CSMD1: variants seen among roughly 807,000 people sequenced by gnomAD.
CSMD1 encodes CUB and sushi domain-containing protein 1.
A neutral mutation model predicts 417.5 loss-of-function variants in CSMD1; 213 were observed. That is an observed-to-expected ratio of 0.51 (90% CI 0.46 to 0.57). The LOEUF (loss-of-function observed/expected upper bound fraction) is 0.57. Ranked by LOEUF, CSMD1 falls within the 20% of genes least tolerant of loss-of-function variation. CSMD1 has a pLI of 0.00. For missense variants in CSMD1, 6,923 were observed against 4,529.7 expected (o/e 1.53, Z -15.17); for synonymous variants, 2,862 against 1,736.8 (o/e 1.65, Z -16.11).
chr8:3,770,293 C>T (rs146594658), intron 5 of CSMD1, among the ~76,000 whole-genome samples: 2,091 of 152,048 alleles, frequency 0.014, 40 homozygotes, highest in African/African-American at 0.048. Flanking sequence ...TTTGGGAGGC[C>T]GAGGGCGGGG....
At chr8:4,430,637 A>G (rs1250382183) in intron 2 of CSMD1, among the ~76,000 whole-genome samples, 2 of 151,966 alleles carry the variant, frequency 1.3e-5, no homozygotes. Context: ...TCTTTTTTTT[A>G]ATCAATGCAC....
intron 2 of CSMD1, among the ~76,000 whole-genome samples, chr8:4,444,864 T>G (rs2129736931): frequency 6.6e-6 from 1 of 152,336 alleles, no homozygotes; most frequent in Non-Finnish European, 1.5e-5. Flanking sequence ...GGACTCCTGC[T>G]GCAGCCAAGG....
intron 2 of CSMD1, among the ~76,000 whole-genome samples, chr8:4,463,267 C>T (rs777817995): frequency 1.3e-5 from 2 of 151,904 alleles, no homozygotes; most frequent in Non-Finnish European, 2.9e-5. Context: ...AAATAGGTAC[C>T]ATCAAAAAGA....
intron 7 of CSMD1, among the ~76,000 whole-genome samples, chr8:3,682,030 A>G (rs1220650734): frequency 6.6e-6 from 1 of 152,194 alleles, no homozygotes; most frequent in Non-Finnish European, 1.5e-5. Context: ...CACCTTATAC[A>G]AAAATTAATT....
chr8:2,981,414 A>C (rs547228013), intron 54 of CSMD1, among the ~76,000 whole-genome samples: 1 of 151,332 alleles, frequency 6.6e-6, no homozygotes, highest in East Asian at 1.9e-4. Context: ...TGTCAGGCCC[A>C]CCTGCAGCGA....
intron 49 of CSMD1, among the ~76,000 whole-genome samples, chr8:3,069,242 T>C (rs1005841889): frequency 7.9e-5 from 12 of 152,084 alleles, no homozygotes; most frequent in Middle Eastern, 3.4e-3. Flanking sequence ...GAGACCAGCC[T>C]GGCCAACATG....
chr8:3,261,567 C>G (rs1482340068), intron 26 of CSMD1, among the ~76,000 whole-genome samples: 1 of 152,104 alleles, frequency 6.6e-6, no homozygotes, highest in Non-Finnish European at 1.5e-5. Flanking sequence ...CACAGCTGTA[C>G]TCATAGGAGT....
chr8:3,063,862 G>C (rs1812750843), intron 49 of CSMD1, among the ~76,000 whole-genome samples: 2 of 152,134 alleles, frequency 1.3e-5, no homozygotes, highest in South Asian at 4.1e-4. Context: ...CAGAGTTTCA[G>C]TTTTGCAAGT....
rs184543383 is a variant in CSMD1, at chr8:3,438,862, T to C, written c.1562-29257A>G. 4.5e-3 allele frequency among the ~76,000 whole-genome samples: 687 copies of C among 151,966 alleles called. 1 individual carries two copies. Among genetic ancestry groups the C allele is most frequent in the Non-Finnish European group, 7.0e-3 (479 of 67,974 alleles). On this transcript the variant is annotated intron_variant, in intron 12 of 69. Transcript: ENST00000635120. Reference sequence around the variant, plus strand: ...CAGGTGTGGTGGCTTGCACCTGTAATCCCAGCACTTTGGGAGGCCAAGGCA... The same window carrying C: ...CAGGTGTGGTGGCTTGCACCTGTAACCCCAGCACTTTGGGAGGCCAAGGCA...
chr8:3,384,654 AAATT>A (rs1410006794), intron 18 of CSMD1, among the ~76,000 whole-genome samples: 2 of 137,868 alleles, frequency 1.5e-5, no homozygotes, highest in South Asian at 2.1e-4. Context: ...ATATACATAT[AAATT>A]AATATAGATG....
Position 4,260,974 on chromosome 8 carries a change from C to A in CSMD1, c.415+158979G>T, listed in dbSNP as rs116617398. Among the ~76,000 whole-genome samples the A allele has an allele frequency of 5.6e-3, 852 of 152,182 alleles. 6 individuals carry two copies. The highest frequency in any genetic ancestry group is 0.02 in the African/African-American group (814 of 41,504). ...TCTACCTTTACTCTCATTGACTTGC[C>A]TCTTTTGTAAACAACGTATCATTCA... On this transcript the variant is annotated intron_variant, in intron 3 of 69. Transcript: ENST00000635120.
intron 1 of CSMD1, among the ~76,000 whole-genome samples, chr8:4,672,485 T>C (rs2617018): frequency 1.3e-5 from 2 of 151,908 alleles, no homozygotes; most frequent in Admixed American, 1.3e-4. Context: ...ATTCCTTTTA[T>C]ATTACTGATG....
In CSMD1 at chr8:4,737,968, C is replaced by G. The variant is rs539228494; in HGVS notation, c.86-100410G>C. ...GAAATGTTAATTTTCAGGTAACAGCCTGCCATTGAAGCAAAGTAATGATAG... is the reference window on the plus strand; with the variant it reads ...GAAATGTTAATTTTCAGGTAACAGCGTGCCATTGAAGCAAAGTAATGATAG... On this transcript the variant is annotated intron_variant, in intron 1 of 69. Transcript: ENST00000635120. Among the ~76,000 whole-genome samples the G allele has an allele frequency of 9.8e-5, 15 of 152,288 alleles. No homozygotes were observed. In the East Asian group the frequency reaches 2.7e-3, roughly 27 times the overall value.
At chr8:3,695,329 A>C (rs1800491011) in intron 7 of CSMD1, among the ~76,000 whole-genome samples, 1 of 151,976 alleles carries the variant, frequency 6.6e-6, no homozygotes, top group Admixed American at 6.5e-5. Context: ...AAAAACACTT[A>C]ATTTCCTGTA....
At chr8:4,406,151 C>A (rs975961011) in intron 3 of CSMD1, among the ~76,000 whole-genome samples, 2 of 152,160 alleles carry the variant, frequency 1.3e-5, no homozygotes, top group Admixed American at 6.5e-5. Context: ...CATAATCGTG[C>A]ACACATTAGA....
intron 5 of CSMD1, among the ~76,000 whole-genome samples, chr8:3,817,979 G>A (rs1337300701): frequency 6.6e-6 from 1 of 152,086 alleles, no homozygotes; most frequent in Non-Finnish European, 1.5e-5. Context: ...ATACTTACTT[G>A]TATTTTAAGA....
At chr8:3,751,577 A>C (rs990362972) in intron 6 of CSMD1, among the ~76,000 whole-genome samples, 9 of 150,768 alleles carry the variant, frequency 6.0e-5, no homozygotes, top group Non-Finnish European at 8.9e-5. Context: ...TTAATTCTAT[A>C]ATGTAGTTGT....
chr8:4,466,662 A>G (rs990632401), intron 2 of CSMD1, among the ~76,000 whole-genome samples: 11 of 152,182 alleles, frequency 7.2e-5, no homozygotes, highest in African/African-American at 1.7e-4. Context: ...CAGAACAAAT[A>G]TAACTCTGAG....
At chr8:4,373,023 G>A (rs140333213) in intron 3 of CSMD1, among the ~76,000 whole-genome samples, 31 of 152,184 alleles carry the variant, frequency 2.0e-4, no homozygotes, top group African/African-American at 7.2e-4. Flanking sequence ...CAGCAGTGAT[G>A]ATTCGGGCTC....
Sources: gnomAD v4.1 joint callset for allele counts (sites outside exome capture counted in the v4.1 genomes callset) on GRCh38, gnomAD v4.1.1 for gene constraint, MANE v1.5 for transcripts, NCBI Gene and HGNC (gene_info 2026-07-23, HGNC 2026-07-21) for gene names.